Variants in RPN2 observed in about 807,000 individuals in gnomAD.
RPN2 encodes the protein dolichyl-diphosphooligosaccharide--protein glycosyltransferase subunit 2.
In RPN2, 29 loss-of-function variants were observed where a neutral mutation model predicts 71.4. That is an observed-to-expected ratio of 0.41 (90% CI 0.30 to 0.55). RPN2 has a LOEUF of 0.55. Ranked by LOEUF, RPN2 falls within the 20% of genes least tolerant of loss-of-function variation. The probability of loss-of-function intolerance (pLI) is 0.35; values close to 1 mark genes in which losing one functional copy is unlikely to be tolerated. For missense variants in RPN2, 726 were observed against 774.1 expected (o/e 0.94, Z 0.74); for synonymous variants, 308 against 305.0 (o/e 1.01, Z -0.10).
chr20:37,198,620 C>T, intron 3 of RPN2, 128 bp downstream of exon 3: 2 of 1,363,426 alleles, frequency 1.5e-6, no homozygotes. Context: ...AATTCCATTC[C>T]TGTGATTTTT....
intron 16 of RPN2, chr20:37,238,817 A>G (rs2068475495): frequency 1.9e-6 from 1 of 539,134 alleles, no homozygotes; most frequent in Non-Finnish European, 3.7e-6. Context: ...AATTCATTAA[A>G]TGACGGTCCC....
intron 3 of RPN2, 82 bp downstream of exon 3, chr20:37,198,574 T>G (rs930001947): frequency 3.3e-5 from 53 of 1,595,552 alleles, no homozygotes; most frequent in Non-Finnish European, 4.4e-5. Flanking sequence ...TCAAACATCC[T>G]TTTTTTAATT....
At chr20:37,225,060 T>G (rs567123604) in intron 10 of RPN2, among the ~76,000 whole-genome samples, 1 of 152,340 alleles carries the variant, frequency 6.6e-6, no homozygotes, top group South Asian at 2.1e-4. Flanking sequence ...ATTTGGCTGG[T>G]TTATCCCCTG....
intron 1 of RPN2, among the ~76,000 whole-genome samples, chr20:37,181,733 T>G (rs2066888699): frequency 1.3e-5 from 2 of 152,172 alleles, no homozygotes; most frequent in Non-Finnish European, 2.9e-5. Context: ...TGGGTTTTTC[T>G]TCTTAGCATA....
At chr20:37,198,631 T>TTC (rs1170488684) in intron 3 of RPN2, 139 bp downstream of exon 3, 3 of 1,464,936 alleles carry the variant, frequency 2.0e-6, no homozygotes, top group Non-Finnish European at 2.7e-6. Context: ...TGTGATTTTT[T>TTC]TTTTCCTTAA....
intron 4 of RPN2, chr20:37,200,500 TGATACC>T (rs1216090016): frequency 1.9e-6 from 1 of 532,870 alleles, no homozygotes; most frequent in Non-Finnish European, 3.9e-6. Context: ...AAGAGGTTGG[TGATACC>T]AAATCCCCCT....
chr20:37,179,484 C>G, intron 1 of RPN2, 115 bp downstream of exon 1: 1 of 1,416,372 alleles, frequency 7.1e-7, no homozygotes, highest in Non-Finnish European at 9.3e-7. Flanking sequence ...GGGGCATGGG[C>G]ACAAGCTCTG....
intron 6 of RPN2, among the ~76,000 whole-genome samples, chr20:37,206,826 A>C (rs1600784246): frequency 1.3e-5 from 2 of 152,080 alleles, no homozygotes; most frequent in Non-Finnish European, 2.9e-5. Context: ...CTCGTGCCTC[A>C]GCCTCTTGAG....
At chr20:37,184,650 G>T (rs1158207581) in intron 2 of RPN2, among the ~76,000 whole-genome samples, 1 of 152,114 alleles carries the variant, frequency 6.6e-6, no homozygotes, top group Non-Finnish European at 1.5e-5. Flanking sequence ...AAATTAGCTG[G>T]GTGTGGTGGT....
chr20:37,241,399 A>G lies in RPN2; in HGVS notation c.*84A>G, dbSNP rs758671021. ...ATTCACAGTATGAGAAGAAAAATGGAAAAAAAAAACTTTATTTAAAAAAGA... is the reference window on the plus strand; with the variant it reads ...ATTCACAGTATGAGAAGAAAAATGGGAAAAAAAAACTTTATTTAAAAAAGA... On this transcript the variant is annotated 3_prime_UTR_variant, in exon 17 of 17. Transcript: ENST00000237530. 2.5e-5 allele frequency: 35 copies of G among 1,415,754 alleles called. No homozygotes were observed. Among genetic ancestry groups the G allele is most frequent in the Non-Finnish European group, 3.2e-5 (33 of 1,033,596 alleles). The allele number at this position is 1,415,754 out of a possible 1,614,324, so 87.7% of individuals were successfully genotyped here. A position where few individuals can be genotyped will look rare whatever the true frequency, so the allele number is the denominator to read the frequency against.
In RPN2 at chr20:37,184,056, C is replaced by T. The variant is rs1027049961; in HGVS notation, c.14-124C>T. On this transcript the variant is annotated intron_variant, in intron 1 of 16. Transcript: ENST00000237530. ...CCCAAGGCTTCTCCTCAGGTTAAAC[C>T]CCTGGATTCCCTCGCCCTTCCCCAT... 3 of 1,159,020 alleles carry T rather than the reference C, an allele frequency of 2.6e-6. No homozygotes were observed. The African/African-American group carries it at 4.6e-5, about 18-fold the overall frequency. 71.8% of individuals were successfully genotyped at this position (1,159,020 alleles called of 1,614,324 possible). A position where few individuals can be genotyped will look rare whatever the true frequency, so the allele number is the denominator to read the frequency against.
intron 2 of RPN2, among the ~76,000 whole-genome samples, chr20:37,188,501 C>G (rs2067066042): frequency 6.6e-6 from 1 of 151,984 alleles, no homozygotes; most frequent in Non-Finnish European, 1.5e-5. Flanking sequence ...CCTTTGCTGT[C>G]TGTTGTTCAG....
intron 9 of RPN2, among the ~76,000 whole-genome samples, chr20:37,217,246 T>C (rs2067832049): frequency 6.6e-6 from 1 of 151,466 alleles, no homozygotes. Flanking sequence ...TTCACTGGGC[T>C]GAGAACTCCT....
chr20:37,200,354 ATTT>A (rs11482444), intron 4 of RPN2: 4,058 of 372,444 alleles, frequency 0.011, 1 homozygote, highest in South Asian at 0.016. Flanking sequence ...GCCGGTTGTA[ATTT>A]TTTTTTTTTT....
At chr20:37,181,969 T>G (rs6031886) in intron 1 of RPN2, among the ~76,000 whole-genome samples, 1 of 152,044 alleles carries the variant, frequency 6.6e-6, no homozygotes, top group Non-Finnish European at 1.5e-5. Flanking sequence ...GGTGGGAGTT[T>G]TGTTTCTTTT....
chr20:37,232,955 C>T (rs929107912), intron 14 of RPN2, among the ~76,000 whole-genome samples: 1 of 152,072 alleles, frequency 6.6e-6, no homozygotes, highest in African/African-American at 2.4e-5. Flanking sequence ...TGGCTCATGC[C>T]TGTAATCCCA....
chr20:37,190,275 T>G (rs982039543), intron 2 of RPN2, among the ~76,000 whole-genome samples: 1 of 152,160 alleles, frequency 6.6e-6, no homozygotes, highest in African/African-American at 2.4e-5. Context: ...GGATGTTGGT[T>G]AGGGCTGAAG....
At position 37,201,489 on chromosome 20, in the gene RPN2, G is replaced by A. The variant is rs978803799; in HGVS notation, c.479+2264G>A. On this transcript the variant is annotated intron_variant, in intron 4 of 16. Transcript: ENST00000237530. ...CAGTGCTTAGAGAGCCTGGCACATGGTCTGTACCCAACGGAGTTAATAAAG... is the reference window on the plus strand; with the variant it reads ...CAGTGCTTAGAGAGCCTGGCACATGATCTGTACCCAACGGAGTTAATAAAG... Among the ~76,000 whole-genome samples, 8 of 151,992 alleles carry A rather than the reference G, an allele frequency of 5.3e-5. No individual in the cohort carries two copies. In the South Asian group the frequency reaches 1.5e-3, roughly 28 times the overall value.
In RPN2 at chr20:37,238,778, C is replaced by G. The variant is rs1440663066; in HGVS notation, c.1883+2069C>G. The G allele has an allele frequency of 5.1e-6, 3 of 590,280 alleles. No individual in the cohort carries two copies. In the Admixed American group the frequency reaches 5.6e-5, roughly 11 times the overall value. 36.6% of individuals were successfully genotyped at this position (590,280 alleles called of 1,614,324 possible). A position where few individuals can be genotyped will look rare whatever the true frequency, so the allele number is the denominator to read the frequency against. Reference sequence around the variant, plus strand: ...CAAGCCTCTCTCTCTGTTTCCAGGACAGCTGAGATGAGGATAAGACAAATC... The same window carrying G: ...CAAGCCTCTCTCTCTGTTTCCAGGAGAGCTGAGATGAGGATAAGACAAATC... On this transcript the variant is annotated intron_variant, in intron 16 of 16. Coordinates refer to ENST00000237530, the MANE Select transcript of RPN2 (RefSeq NM_002951.5).
Sources: allele counts gnomAD v4.1 joint callset (sites outside exome capture counted in the v4.1 genomes callset), GRCh38; gene constraint gnomAD v4.1.1; transcripts MANE v1.5; gene names NCBI Gene and HGNC (gene_info 2026-07-23, HGNC 2026-07-21).